Variants in GNG12 observed in about 807,000 individuals in gnomAD.
GNG12 encodes the protein G protein subunit gamma 12, also known as guanine nucleotide-binding protein G(I)/G(S)/G(O) subunit gamma-12.
For missense variants in GNG12, 69 were observed against 83.8 expected (o/e 0.82, Z 0.69); for synonymous variants, 28 against 29.7 (o/e 0.94, Z 0.19).
chr1:67,819,618 C>G (rs1466365936), intron 1 of GNG12, among the ~76,000 whole-genome samples: 1 of 152,184 alleles, frequency 6.6e-6, no homozygotes, highest in Non-Finnish European at 1.5e-5. Flanking sequence ...GATTTCCCTG[C>G]AAATTCTTAT....
At chr1:67,799,537 A>G (rs1462069855) in intron 1 of GNG12, among the ~76,000 whole-genome samples, 1 of 152,170 alleles carries the variant, frequency 6.6e-6, no homozygotes, top group Non-Finnish European at 1.5e-5. Flanking sequence ...ACTTTGCTAG[A>G]GGACTTAGTT....
intron 2 of GNG12, among the ~76,000 whole-genome samples, chr1:67,768,192 C>T (rs2100749926): frequency 1.3e-5 from 2 of 152,324 alleles, no homozygotes; most frequent in South Asian, 4.1e-4. Context: ...TTCACTTAAT[C>T]ACCTCAATAA....
rs564734695 is a variant in GNG12 at position 67,757,110 on chromosome 1, A to T, written c.-27+20348T>A. On this transcript the variant is annotated intron_variant, in intron 2 of 3. Coordinates refer to ENST00000370982, the MANE Select transcript of GNG12 (RefSeq NM_018841.6). ...GGAGTATTTGTATATACATAATGAG[A>T]TATCTTGGGGATAAGACCCAAGTCT... 2.3e-3 allele frequency among the ~76,000 whole-genome samples: 351 copies of T among 152,368 alleles called. 2 individuals carry two copies. Among genetic ancestry groups the T allele is most frequent in the Non-Finnish European group, 3.0e-3 (203 of 68,030 alleles).
chr1:67,828,878 G>A (rs984786235), intron 1 of GNG12, among the ~76,000 whole-genome samples: 3 of 152,118 alleles, frequency 2.0e-5, no homozygotes, highest in African/African-American at 7.2e-5. Flanking sequence ...CACTGCAAAG[G>A]TTTTGACATT....
intron 1 of GNG12, among the ~76,000 whole-genome samples, chr1:67,784,057 GAACCAACCCAA>G (rs1323939283): frequency 6.6e-4 from 100 of 151,320 alleles, no homozygotes; most frequent in African/African-American, 2.2e-3. Flanking sequence ...CAAAGACTTG[GAACCAACCCAA>G]ATGTCCAACA....
rs529856300 is a variant in GNG12, at chr1:67,753,322, G to C, written c.-27+24136C>G. On this transcript the variant is annotated intron_variant, in intron 2 of 3. Coordinates refer to ENST00000370982, the MANE Select transcript of GNG12 (RefSeq NM_018841.6). ...ATTTCAAATTTGGGATGCTCAACTGGTAAGTATATAATGTAAATATTCCAA... is the reference window on the plus strand; with the variant it reads ...ATTTCAAATTTGGGATGCTCAACTGCTAAGTATATAATGTAAATATTCCAA... Among the ~76,000 whole-genome samples the C allele has an allele frequency of 2.6e-3, 389 of 151,154 alleles. 3 individuals are homozygous for C. Among genetic ancestry groups the C allele is most frequent in the African/African-American group, 9.2e-3 (380 of 41,294 alleles).
intron 1 of GNG12, among the ~76,000 whole-genome samples, chr1:67,778,849 C>T (rs1160088844): frequency 2.0e-5 from 3 of 152,168 alleles, no homozygotes; most frequent in African/African-American, 4.8e-5. Context: ...TGATCCAAGT[C>T]TGCTCTCATG....
intron 1 of GNG12, among the ~76,000 whole-genome samples, chr1:67,778,366 A>G (rs1045838977): frequency 6.6e-6 from 1 of 152,182 alleles, no homozygotes; most frequent in Non-Finnish European, 1.5e-5. Flanking sequence ...AGTGGCTACC[A>G]TACTAGACAG....
rs150072051 is a variant in GNG12 at position 67,833,367 on chromosome 1, C to T, written c.-100G>A. The T allele has an allele frequency of 0.026, 25,255 of 984,912 alleles. 792 individuals carry two copies. Among genetic ancestry groups the T allele is most frequent in the African/African-American group, 0.15 (8,493 of 57,236 alleles). The allele number at this position is 984,912 out of a possible 1,614,324, so 61.0% of individuals were successfully genotyped here. ...ACCCGCCTGCCGGTGCGCTGCCCCG[C>T]CGTCGCCGCCGGGACTCGGTCTCTA... On this transcript the variant is annotated 5_prime_UTR_variant, in exon 1 of 4. Transcript: ENST00000370982.
At chr1:67,797,182 C>A (rs1646836241) in intron 1 of GNG12, among the ~76,000 whole-genome samples, 1 of 152,178 alleles carries the variant, frequency 6.6e-6, no homozygotes, top group African/African-American at 2.4e-5. Flanking sequence ...CAGCTAACCA[C>A]ATTTCAATCC....
chr1:67,774,344 T>C (rs1199320677), intron 2 of GNG12, among the ~76,000 whole-genome samples: 1 of 152,180 alleles, frequency 6.6e-6, no homozygotes, highest in African/African-American at 2.4e-5. Flanking sequence ...CCCTTACTTA[T>C]TTTTCTTAAT....
At chr1:67,755,511 A>C (rs1646562830) in intron 2 of GNG12, among the ~76,000 whole-genome samples, 1 of 152,188 alleles carries the variant, frequency 6.6e-6, no homozygotes, top group Non-Finnish European at 1.5e-5. Flanking sequence ...TTGAATGAAG[A>C]GCCAGCATCG....
Position 67,769,203 on chromosome 1 carries a change from T to A in GNG12, c.-27+8255A>T, listed in dbSNP as rs568944887. 2.0e-5 allele frequency among the ~76,000 whole-genome samples: 3 copies of A among 152,308 alleles called. No individual in the cohort carries two copies. The East Asian group carries it at 5.8e-4, about 29-fold the overall frequency. ...CAAGCATCTTCCCAGCATGTGTCACTTGCTCATTTGAGACGCTGGCTTCAC... is the reference window on the plus strand; with the variant it reads ...CAAGCATCTTCCCAGCATGTGTCACATGCTCATTTGAGACGCTGGCTTCAC... On this transcript the variant is annotated intron_variant, in intron 2 of 3. Coordinates refer to ENST00000370982, the MANE Select transcript of GNG12 (RefSeq NM_018841.6).
At chr1:67,801,271 T>C (rs138344022) in intron 1 of GNG12, among the ~76,000 whole-genome samples, 329 of 152,298 alleles carry the variant, frequency 2.2e-3, no homozygotes, top group African/African-American at 7.5e-3. Context: ...TCTTCACTCA[T>C]GAATATGTGG....
chr1:67,705,744 C>G (rs994490691), intron 3 of GNG12, among the ~76,000 whole-genome samples, 168 bp from the exon 4 acceptor site: 1 of 152,136 alleles, frequency 6.6e-6, no homozygotes, highest in Non-Finnish European at 1.5e-5. Flanking sequence ...GGAAATGGTA[C>G]CTTTAAAATG....
intron 1 of GNG12, among the ~76,000 whole-genome samples, chr1:67,782,179 C>T (rs1287218811): frequency 6.6e-6 from 1 of 152,166 alleles, no homozygotes; most frequent in African/African-American, 2.4e-5. Context: ...GGTAAATTCT[C>T]CACAAAATTG....
intron 1 of GNG12, among the ~76,000 whole-genome samples, chr1:67,833,123 C>T (rs922591087): frequency 1.3e-5 from 2 of 151,636 alleles, no homozygotes; most frequent in African/African-American, 4.8e-5. Context: ...CCCCTTCCTC[C>T]CCCTCCCCCC....
chr1:67,760,437 G>A (rs1408763953), intron 2 of GNG12, among the ~76,000 whole-genome samples: 3 of 152,000 alleles, frequency 2.0e-5, no homozygotes, highest in Non-Finnish European at 2.9e-5. Flanking sequence ...GACCAACCAC[G>A]ACACCTAGTG....
chr1:67,824,509 C>CAA lies in GNG12; in HGVS notation c.-77+8833_-77+8834dup, dbSNP rs35736017. ...AGGATGACAGACTGAGATCCTGTCT[C>CAA]AAAAAAAAAAAAAAAAAAAGGAAGC... is the stretch of plus-strand genomic sequence containing the variant. On this transcript the variant is annotated intron_variant, in intron 1 of 3. Transcript: ENST00000370982. 9.8e-3 allele frequency among the ~76,000 whole-genome samples: 924 copies of CAA among 93,954 alleles called. 32 individuals are homozygous for CAA. Among genetic ancestry groups the CAA allele is most frequent in the African/African-American group, 0.026 (602 of 23,244 alleles). The allele number at this position is 93,954 out of a possible 152,430, so 61.6% of individuals were successfully genotyped here. A position where few individuals can be genotyped will look rare whatever the true frequency, so the allele number is the denominator to read the frequency against.
Sources: allele counts gnomAD v4.1 joint callset (sites outside exome capture counted in the v4.1 genomes callset), GRCh38; gene constraint gnomAD v4.1.1; transcripts MANE v1.5; gene names NCBI Gene and HGNC (gene_info 2026-07-23, HGNC 2026-07-21).